The following OSBPL2 variants were observed in gnomAD, a reference collection of about 807,000 sequenced individuals.
OSBPL2 encodes the protein oxysterol binding protein like 2, also known as oxysterol-binding protein-related protein 2.
A neutral mutation model predicts 58.4 loss-of-function variants in OSBPL2; 18 were observed. The observed-to-expected ratio is 0.31, with a 90% CI of 0.21 to 0.46. The LOEUF (loss-of-function observed/expected upper bound fraction) is 0.46. Among genes scored for constraint, OSBPL2 ranks in the 20% least tolerant of loss-of-function variants. OSBPL2 has a pLI of 1.00. For missense variants in OSBPL2, 461 were observed against 616.5 expected, an observed-to-expected ratio of 0.75 and a Z score of 2.67; for synonymous variants, 221 against 234.1, an observed-to-expected ratio of 0.94 and a Z score of 0.51.
Position 62,293,839 on chromosome 20 carries a change from A to G in OSBPL2, c.1395A>G (p.Ala465=), listed in dbSNP as rs747644108. The G allele has an allele frequency of 1.9e-6, 3 of 1,614,084 alleles. No homozygotes were observed. The highest frequency in any genetic ancestry group is 4.5e-5 in the East Asian group (2 of 44,882). The change falls in exon 14 of 14, where the codon GCA becomes GCG. Residue 465 remains alanine (A), a synonymous_variant. Coordinates refer to ENST00000313733, the MANE Select transcript of OSBPL2 (RefSeq NM_144498.4). Reference sequence around the variant, plus strand: ...CTGGGACCCCCGACTGGTTGTATGCAGGGGATTACTTTGAGCGGAATTTCT... The same window carrying G: ...CTGGGACCCCCGACTGGTTGTATGCGGGGGATTACTTTGAGCGGAATTTCT... The part of the protein sequence containing the change: ...PYTGTPDWLY[A]GDYFERNFSD...
intron 10 of OSBPL2, chr20:62,284,513 A>G: frequency 3.6e-6 from 1 of 278,266 alleles, no homozygotes; most frequent in South Asian, 4.7e-5. Context: ...AGTGGCTAGG[A>G]CTATAGGCAT....
In OSBPL2 at chr20:62,269,283, A is replaced by G. The variant is rs1568840008; in HGVS notation, c.259-2842A>G. 6.6e-6 allele frequency among the ~76,000 whole-genome samples: 1 copy of G among 152,148 alleles called. No individual in the cohort carries two copies. The highest frequency in any genetic ancestry group is 1.5e-5 in the Non-Finnish European group (1 of 68,022). On this transcript the variant is annotated intron_variant, in intron 4 of 13. Coordinates refer to ENST00000313733, the MANE Select transcript of OSBPL2 (RefSeq NM_144498.4). This position sits in a 1 kb window ranked among gnomAD's most constrained non-coding sequence, Gnocchi z 4.2. ...TTGGACTGGCGCCCTGTTGTTGGAC[A>G]TACGGGTCATTTCTGATCTTTCATG...
chr20:62,268,623 T>G (rs906314294), intron 4 of OSBPL2, among the ~76,000 whole-genome samples: 1 of 152,148 alleles, frequency 6.6e-6, no homozygotes, highest in African/African-American at 2.4e-5. Flanking sequence ...TTTTAGAGAC[T>G]GAGTCTTGCT....
Position 62,272,220 on chromosome 20 carries a change from C to G in OSBPL2, c.354C>G (p.His118Gln). The change falls in exon 5 of 14, where the codon CAC becomes CAG. Residue 118 changes from histidine (H) to glutamine (Q), a missense_variant. His to Gln is a conservative substitution (Grantham distance 24, BLOSUM62 0). Coordinates refer to ENST00000313733, the MANE Select transcript of OSBPL2 (RefSeq NM_144498.4). Reference protein sequence around the residue: ...TEYMEHVYLIHRASCQPQPLE... With the variant: ...TEYMEHVYLIQRASCQPQPLE... ...ACATGGAGCACGTGTACCTCATCCA[C>G]AGGGCCTCCTGCCAGCCCCAGCCCC... 6.2e-7 allele frequency: 1 copy of G among 1,613,716 alleles called. No individual in the cohort carries two copies. The highest frequency in any genetic ancestry group is 8.5e-7 in the Non-Finnish European group (1 of 1,179,930).
rs959225770 is a variant in OSBPL2 at position 62,284,878 on chromosome 20, T to A, written c.996+709T>A. ...CGCTTTCTTTGAGTTAGCCTAGACATATTGTTAAAAATCAAGTGAATTTCA... is the reference window on the plus strand; with the variant it reads ...CGCTTTCTTTGAGTTAGCCTAGACAAATTGTTAAAAATCAAGTGAATTTCA... On this transcript the variant is annotated intron_variant, in intron 10 of 13. Coordinates refer to ENST00000313733, the MANE Select transcript of OSBPL2 (RefSeq NM_144498.4). 2.6e-5 allele frequency: 4 copies of A among 152,362 alleles called. No homozygotes were observed. In the East Asian group the frequency reaches 5.8e-4, roughly 22 times the overall value. The allele number at this position is 152,362 out of a possible 1,614,324, so 9.4% of individuals were successfully genotyped here.
intron 5 of OSBPL2, among the ~76,000 whole-genome samples, chr20:62,272,840 G>A (rs1408124811): frequency 6.6e-6 from 1 of 152,230 alleles, no homozygotes; most frequent in Non-Finnish European, 1.5e-5. Context: ...AGGCTACAGT[G>A]AGCCACGATT....
At chr20:62,242,879 C>T (rs1165391233) in intron 1 of OSBPL2, among the ~76,000 whole-genome samples, 1 of 152,160 alleles carries the variant, frequency 6.6e-6, no homozygotes, top group East Asian at 1.9e-4. Flanking sequence ...GCAGGGAGGA[C>T]TGTAGTGTGT....
chr20:62,273,039 T>C (rs1479049317), intron 5 of OSBPL2, among the ~76,000 whole-genome samples: 1 of 152,174 alleles, frequency 6.6e-6, no homozygotes, highest in Non-Finnish European at 1.5e-5. Flanking sequence ...GTGGCTGACA[T>C]TGCTGCAGCA....
chr20:62,287,877 C>T (rs1379407717), intron 11 of OSBPL2, among the ~76,000 whole-genome samples: 2 of 152,180 alleles, frequency 1.3e-5, no homozygotes, highest in African/African-American at 4.8e-5. Context: ...GTGTTGAGTC[C>T]TCCTGCCTGC....
chr20:62,256,035 G>T, intron 1 of OSBPL2, 22 bp from the exon 2 acceptor site: 2 of 785,790 alleles, frequency 2.5e-6, no homozygotes, highest in Non-Finnish European at 2.0e-6. Flanking sequence ...AGCTAAGTAT[G>T]CCAAAATTTT....
intron 12 of OSBPL2, chr20:62,291,453 C>T (rs1983502347): frequency 4.0e-6 from 2 of 500,054 alleles, no homozygotes; most frequent in Non-Finnish European, 7.4e-6. Context: ...TTGAGTAGTG[C>T]TGTCGTAGAA....
chr20:62,251,037 A>ATTTTTTTTTTTTT (rs35328509), intron 1 of OSBPL2, among the ~76,000 whole-genome samples: 1 of 97,810 alleles, frequency 1.0e-5, no homozygotes, highest in Non-Finnish European at 2.0e-5. Context: ...AGAGCAATAG[A>ATTTTTTTTTTTTT]TTTTTTTTTT....
intron 3 of OSBPL2, among the ~76,000 whole-genome samples, chr20:62,262,062 C>A (rs1024555836): frequency 6.8e-6 from 1 of 146,114 alleles, no homozygotes; most frequent in Non-Finnish European, 1.5e-5. Context: ...CCCAGAGGCA[C>A]TTTTCAAAAG....
Position 62,254,347 on chromosome 20 carries a change from C to T in OSBPL2, c.-128-1710C>T, listed in dbSNP as rs569936507. 1.6e-3 allele frequency among the ~76,000 whole-genome samples: 248 copies of T among 152,376 alleles called. 2 individuals are homozygous for T. Among genetic ancestry groups the T allele is most frequent in the African/African-American group, 5.7e-3 (237 of 41,582 alleles). On this transcript the variant is annotated intron_variant, in intron 1 of 13. Transcript: ENST00000313733. ...GATTCAGCCGCGTCTCCTCAGGAAGCCCTGGCTCCTCAGTGCTCTGAAGGG... is the reference window on the plus strand; with the variant it reads ...GATTCAGCCGCGTCTCCTCAGGAAGTCCTGGCTCCTCAGTGCTCTGAAGGG...
rs549208437 is a variant in OSBPL2 at position 62,291,980 on chromosome 20, A to G, written c.1340+187A>G. On this transcript the variant is annotated intron_variant, in intron 13 of 13. Transcript: ENST00000313733. ...TGGGCAGTTACTGTTCCATGGCTCCATTAAGGTAGTGACACCAGTGGCTGC... is the reference window on the plus strand; with the variant it reads ...TGGGCAGTTACTGTTCCATGGCTCCGTTAAGGTAGTGACACCAGTGGCTGC... Among the ~76,000 whole-genome samples the G allele has an allele frequency of 3.3e-5, 5 of 150,484 alleles. No individual in the cohort carries two copies. In the East Asian group the frequency reaches 9.8e-4, roughly 30 times the overall value.
At chr20:62,263,454 C>CT (rs1981449412) in intron 3 of OSBPL2, among the ~76,000 whole-genome samples, 162 bp from the exon 4 acceptor site, 1 of 152,186 alleles carries the variant, frequency 6.6e-6, no homozygotes, top group African/African-American at 2.4e-5. Context: ...TGGAAGGCCT[C>CT]TAGGCAGCAG....
intron 3 of OSBPL2, among the ~76,000 whole-genome samples, chr20:62,261,465 C>G (rs1456516969): frequency 1.3e-5 from 2 of 152,220 alleles, no homozygotes; most frequent in Non-Finnish European, 2.9e-5. Context: ...AGCCTGGCCT[C>G]AGGCTCTCCT....
chr20:62,290,053 A>C (rs1483560445), intron 12 of OSBPL2, among the ~76,000 whole-genome samples: 1 of 152,214 alleles, frequency 6.6e-6, no homozygotes, highest in East Asian at 1.9e-4. Context: ...CAGTGCAGTC[A>C]CTGGCACGTG....
In OSBPL2 at chr20:62,281,863, C is replaced by T. The variant is rs1355475335; in HGVS notation, c.856C>T (p.His286Tyr). 2 of 1,611,148 alleles carry T rather than the reference C, an allele frequency of 1.2e-6. No individual in the cohort carries two copies. The highest frequency in any genetic ancestry group is 3.3e-5 in the Admixed American group (2 of 60,004). Reference sequence around the variant, plus strand: ...AAAAGAACTTCACAAGGTGGAAGGACACATTCAAGACAAAAAGTAGGTCCT... The same window carrying T: ...AAAAGAACTTCACAAGGTGGAAGGATACATTCAAGACAAAAAGTAGGTCCT... ...FGKELHKVEGHIQDKNKKKLF... is the reference protein window; with the variant it reads ...FGKELHKVEGYIQDKNKKKLF... The change falls in exon 9 of 14, where the codon CAC becomes TAC. Residue 286 changes from histidine (H) to tyrosine (Y), a missense_variant. By Grantham distance (83) the His-to-Tyr change is moderately conservative (BLOSUM62 2). Coordinates refer to ENST00000313733, the MANE Select transcript of OSBPL2 (RefSeq NM_144498.4).
Sources: gnomAD v4.1 joint callset for allele counts (sites outside exome capture counted in the v4.1 genomes callset) on GRCh38, gnomAD v4.1.1 for gene constraint, Gnocchi (gnomAD v3.1) non-coding constraint, MANE v1.5 for transcripts, NCBI Gene and HGNC (gene_info 2026-07-23, HGNC 2026-07-21) for gene names.